The following AK8 variants were observed in gnomAD, a reference collection of about 807,000 sequenced individuals.
AK8 encodes the protein adenylate kinase 8.
In AK8, 44 loss-of-function variants were observed where a neutral mutation model predicts 54.6. The observed-to-expected ratio is 0.81, with a 90% CI of 0.63 to 1.04. The LOEUF (loss-of-function observed/expected upper bound fraction) is 1.04. Among genes scored for constraint, AK8 ranks in the 50% least tolerant of loss-of-function variants. The pLI is 0.00. For missense variants in AK8, 555 were observed against 613.6 expected (o/e 0.90, Z 1.01); for synonymous variants, 239 against 245.6 (o/e 0.97, Z 0.25).
intron 5 of AK8, among the ~76,000 whole-genome samples, chr9:132,830,373 C>A (rs1186120262): frequency 6.6e-6 from 1 of 152,160 alleles, no homozygotes; most frequent in East Asian, 1.9e-4. Context: ...CAAAATGGCC[C>A]ACTAGTTTAT....
intron 11 of AK8, among the ~76,000 whole-genome samples, chr9:132,773,882 T>C (rs528477369): frequency 7.9e-5 from 12 of 152,258 alleles, no homozygotes; most frequent in African/African-American, 2.6e-4. Flanking sequence ...AAGATTTGTA[T>C]GAAATCCCAT....
chr9:132,753,447 A>C (rs1838044581), intron 11 of AK8, among the ~76,000 whole-genome samples: 1 of 152,228 alleles, frequency 6.6e-6, no homozygotes, highest in Non-Finnish European at 1.5e-5. Context: ...CTCATTGGAC[A>C]TGTTCACAAA....
chr9:132,736,678 C>T (rs530679821), intron 11 of AK8, among the ~76,000 whole-genome samples: 13 of 149,700 alleles, frequency 8.7e-5, no homozygotes, highest in Admixed American at 4.7e-4. Flanking sequence ...CCAGCTACTC[C>T]GGAGGCTGAA....
At chr9:132,798,640 G>T (rs1472873809) in intron 10 of AK8, among the ~76,000 whole-genome samples, 1 of 151,688 alleles carries the variant, frequency 6.6e-6, no homozygotes, top group Non-Finnish European at 1.5e-5. Context: ...CCAACTGCAA[G>T]ATATGAGTAT....
chr9:132,869,861 G>A (rs1588239466), intron 2 of AK8, among the ~76,000 whole-genome samples: 1 of 97,236 alleles, frequency 1.0e-5, no homozygotes, highest in South Asian at 3.3e-4. Context: ...ACGAGGCAGA[G>A]GGCTCGTGTG....
chr9:132,861,241 G>A (rs1208963699), intron 4 of AK8, among the ~76,000 whole-genome samples: 1 of 152,216 alleles, frequency 6.6e-6, no homozygotes, highest in Non-Finnish European at 1.5e-5. Context: ...TGCCCTTTGG[G>A]AAGGCTTTGC....
chr9:132,852,332 G>C (rs918355800), intron 5 of AK8, among the ~76,000 whole-genome samples: 1 of 152,088 alleles, frequency 6.6e-6, no homozygotes. Context: ...AAATTGGGCC[G>C]GGCGCGGTGG....
chr9:132,871,436 A>G (rs1843826473), intron 2 of AK8, among the ~76,000 whole-genome samples: 1 of 152,170 alleles, frequency 6.6e-6, no homozygotes, highest in African/African-American at 2.4e-5. Context: ...CCAAAGGACA[A>G]AATGTTCTAA....
rs1247535169 is a variant in AK8 at position 132,823,204 on chromosome 9, C to T, written c.889+1G>A. On this transcript the variant is annotated splice_donor_variant, in intron 9 of 12. Coordinates refer to ENST00000298545, the MANE Select transcript of AK8 (RefSeq NM_152572.3). LOFTEE classifies it high-confidence loss of function. ...GGCAGCCCAGCACCTGGGGCACTCACCATTGACAAGCCTGTATTTCTGGGC... is the reference window on the plus strand; with the variant it reads ...GGCAGCCCAGCACCTGGGGCACTCATCATTGACAAGCCTGTATTTCTGGGC... 3 of 1,570,690 alleles carry T rather than the reference C, an allele frequency of 1.9e-6. No homozygotes were observed. In the South Asian group the frequency reaches 3.6e-5, roughly 19 times the overall value.
At chr9:132,742,663 C>T (rs541468741) in intron 11 of AK8, among the ~76,000 whole-genome samples, 14 of 152,244 alleles carry the variant, frequency 9.2e-5, no homozygotes, top group South Asian at 2.1e-4. Context: ...TTTCCTGGTA[C>T]AGGTGTGCCT....
intron 11 of AK8, among the ~76,000 whole-genome samples, chr9:132,737,829 T>C (rs935436130): frequency 4.6e-5 from 7 of 152,178 alleles, no homozygotes; most frequent in Admixed American, 3.9e-4. Flanking sequence ...GAATGTCCAC[T>C]CTCACTTCTA....
At chr9:132,752,151 T>TTTTA (rs10624770) in intron 11 of AK8, among the ~76,000 whole-genome samples, 123,716 of 151,656 alleles carry the variant, frequency 0.82, 50,559 homozygotes, top group Admixed American at 0.88. Flanking sequence ...CAAGACCTGT[T>TTTTA]TAGAGTAGTT....
At chr9:132,848,691 C>G (rs571640135) in intron 5 of AK8, among the ~76,000 whole-genome samples, 2 of 152,284 alleles carry the variant, frequency 1.3e-5, no homozygotes, top group Admixed American at 1.3e-4. Flanking sequence ...CCAAGGCAGG[C>G]AAGACCATCT....
At chr9:132,773,902 A>C (rs1408724693) in intron 11 of AK8, among the ~76,000 whole-genome samples, 2 of 152,208 alleles carry the variant, frequency 1.3e-5, no homozygotes, top group African/African-American at 4.8e-5. Context: ...TGGTGTTCTG[A>C]AAGAAGAAAC....
intron 11 of AK8, among the ~76,000 whole-genome samples, chr9:132,753,036 G>A (rs1838019159): frequency 6.6e-6 from 1 of 152,178 alleles, no homozygotes; most frequent in Non-Finnish European, 1.5e-5. Context: ...AATACTTCTG[G>A]AGCGAACAAA....
chr9:132,836,971 C>T (rs918817853), intron 5 of AK8, among the ~76,000 whole-genome samples: 1 of 152,222 alleles, frequency 6.6e-6, no homozygotes, highest in African/African-American at 2.4e-5. Flanking sequence ...TCCTGGCATA[C>T]ACAGGCTTTT....
chr9:132,784,860 G>A (rs541578836), intron 11 of AK8, among the ~76,000 whole-genome samples: 6 of 152,136 alleles, frequency 3.9e-5, no homozygotes, highest in African/African-American at 1.4e-4. Flanking sequence ...ATAAACAACT[G>A]GTGTTGAAAT....
intron 11 of AK8, among the ~76,000 whole-genome samples, chr9:132,763,109 G>A (rs1360360575): frequency 6.6e-6 from 1 of 152,214 alleles, no homozygotes; most frequent in African/African-American, 2.4e-5. Context: ...TGCTCCCCTA[G>A]AGAAGGAGGT....
intron 5 of AK8, among the ~76,000 whole-genome samples, chr9:132,830,016 T>C (rs868859942): frequency 6.6e-6 from 1 of 152,206 alleles, no homozygotes. Context: ...AAGCAGCAAG[T>C]GCAGATACCT....
Sources: allele counts gnomAD v4.1 joint callset (sites outside exome capture counted in the v4.1 genomes callset), GRCh38; gene constraint gnomAD v4.1.1; transcripts MANE v1.5; gene names NCBI Gene and HGNC (gene_info 2026-07-23, HGNC 2026-07-21).